DCC: variants seen among roughly 807,000 people sequenced by gnomAD.
DCC encodes netrin receptor DCC.
In DCC, 58 loss-of-function variants were observed where a neutral mutation model predicts 172.5. The observed-to-expected ratio is 0.34, with a 90% CI of 0.27 to 0.42. DCC has a LOEUF of 0.42. Ranked by LOEUF, DCC falls within the 10% of genes least tolerant of loss-of-function variation. DCC has a pLI of 1.00. For missense variants in DCC, 1,740 were observed against 1,791.0 expected (o/e 0.97, Z 0.51); for synonymous variants, 709 against 644.5 (o/e 1.10, Z -1.52).
chr18:53,156,345 G>T (rs533592093), intron 7 of DCC, among the ~76,000 whole-genome samples: 1 of 151,964 alleles, frequency 6.6e-6, no homozygotes. Flanking sequence ...TTAGCCAGGC[G>T]TGGGGGCACA....
At chr18:53,247,686 G>A (rs915366801) in intron 12 of DCC, among the ~76,000 whole-genome samples, 2 of 151,932 alleles carry the variant, frequency 1.3e-5, no homozygotes, top group African/African-American at 4.8e-5. Flanking sequence ...AATTCTTACT[G>A]TTTGAAGTTA....
At chr18:52,528,417 A>G (rs1471456104) in intron 1 of DCC, among the ~76,000 whole-genome samples, 1 of 152,210 alleles carries the variant, frequency 6.6e-6, no homozygotes, top group Admixed American at 6.5e-5. Context: ...AAAATAAGGA[A>G]GTAAGGAATT....
intron 2 of DCC, among the ~76,000 whole-genome samples, chr18:52,759,334 T>C (rs556207002): frequency 6.6e-6 from 1 of 152,312 alleles, no homozygotes; most frequent in East Asian, 1.9e-4. Flanking sequence ...AAAAGACATC[T>C]TCTACATTAT....
rs569626211 is a variant in DCC, at chr18:52,666,632, A to T, written c.92-85422A>T. Among the ~76,000 whole-genome samples, 6 of 152,288 alleles carry T rather than the reference A, an allele frequency of 3.9e-5. No individual in the cohort carries two copies. The East Asian group carries it at 1.2e-3, about 29-fold the overall frequency. The stretch of plus-strand genomic sequence containing the variant: ...GTTTATTTTTGTCTGTGCAGATATT[A>T]TCTACTATTAACAGTACTTTGGCTC... On this transcript the variant is annotated intron_variant, in intron 1 of 28. Coordinates refer to ENST00000442544, the MANE Select transcript of DCC (RefSeq NM_005215.4).
chr18:53,338,311 A>G (rs1379920905), intron 14 of DCC, among the ~76,000 whole-genome samples: 1 of 152,158 alleles, frequency 6.6e-6, no homozygotes, highest in Non-Finnish European at 1.5e-5. Context: ...TTGTATAAAT[A>G]TTTATTAATT....
intron 9 of DCC, among the ~76,000 whole-genome samples, chr18:53,193,828 C>T (rs557371774): frequency 8.5e-5 from 13 of 152,194 alleles, no homozygotes; most frequent in East Asian, 1.9e-4. Context: ...ATTGATTCCC[C>T]GAAGAGATGG....
At chr18:52,591,367 T>G (rs186823771) in intron 1 of DCC, among the ~76,000 whole-genome samples, 1 of 152,322 alleles carries the variant, frequency 6.6e-6, no homozygotes, top group Admixed American at 6.5e-5. Context: ...CAATGTCATT[T>G]TGCAAACTGC....
intron 1 of DCC, among the ~76,000 whole-genome samples, chr18:52,497,280 A>AAAATAT (rs1555689730): frequency 4.6e-5 from 1 of 21,574 alleles, no homozygotes; most frequent in Non-Finnish European, 1.1e-4. Flanking sequence ...AAAAAAAAAA[A>AAAATAT]ATATATATAT....
intron 2 of DCC, among the ~76,000 whole-genome samples, chr18:52,856,278 T>C (rs2039051139): frequency 6.6e-6 from 1 of 152,144 alleles, no homozygotes; most frequent in Non-Finnish European, 1.5e-5. Context: ...TATGAAGATG[T>C]CTTTTTAAGA....
chr18:52,561,044 G>A (rs1212262753), intron 1 of DCC, among the ~76,000 whole-genome samples: 1 of 151,966 alleles, frequency 6.6e-6, no homozygotes, highest in Non-Finnish European at 1.5e-5. Context: ...CCAGATGTTT[G>A]GTGTTATTCA....
At chr18:52,468,573 G>T (rs955187220) in intron 1 of DCC, among the ~76,000 whole-genome samples, 4 of 152,046 alleles carry the variant, frequency 2.6e-5, no homozygotes, top group Admixed American at 6.6e-5. Context: ...CAATTTGAAG[G>T]CTTATTAATA....
At chr18:53,083,323 A>G (rs997249662) in intron 7 of DCC, among the ~76,000 whole-genome samples, 2 of 152,156 alleles carry the variant, frequency 1.3e-5, no homozygotes, top group Non-Finnish European at 1.5e-5. Flanking sequence ...TCAATTGGCT[A>G]TAAGTAAAAT....
At chr18:53,011,590 T>C (rs185276436) in intron 5 of DCC, among the ~76,000 whole-genome samples, 1 of 151,906 alleles carries the variant, frequency 6.6e-6, no homozygotes, top group East Asian at 1.9e-4. Flanking sequence ...ACTTACAACA[T>C]TGAGATAAAA....
chr18:52,445,060 G>A (rs1237175268), intron 1 of DCC, among the ~76,000 whole-genome samples: 1 of 152,040 alleles, frequency 6.6e-6, no homozygotes, highest in Non-Finnish European at 1.5e-5. Flanking sequence ...GACATGCAAG[G>A]TGGAAACAAA....
Position 52,504,778 on chromosome 18 carries a change from G to A in DCC, c.91+163900G>A, listed in dbSNP as rs538139020. ...CTACCTTTGTGCCGCCCCTCCCCCC[G>A]GCCACCTCAGTGTAAAAGCCACCAA... On this transcript the variant is annotated intron_variant, in intron 1 of 28. Coordinates refer to ENST00000442544, the MANE Select transcript of DCC (RefSeq NM_005215.4). Among the ~76,000 whole-genome samples the A allele has an allele frequency of 5.3e-5, 8 of 149,618 alleles. No homozygotes were observed. The East Asian group carries it at 5.9e-4, about 11-fold the overall frequency.
At chr18:53,071,159 T>A (rs4995148) in intron 7 of DCC, among the ~76,000 whole-genome samples, 19,989 of 152,210 alleles carry the variant, frequency 0.13, 1,430 homozygotes, top group Non-Finnish European at 0.16. Flanking sequence ...GTGTCTGTAG[T>A]TGTCGGATAT....
chr18:52,919,558 C>T (rs1282994780), intron 3 of DCC, among the ~76,000 whole-genome samples: 1 of 151,818 alleles, frequency 6.6e-6, no homozygotes, highest in African/African-American at 2.4e-5. Flanking sequence ...TAACAAACAT[C>T]ACTGAAATGA....
rs71175533 is a variant in DCC at position 52,879,412 on chromosome 18, C to CTTTT, written c.413-26606_413-26603dup. Among the ~76,000 whole-genome samples the CTTTT allele has an allele frequency of 9.0e-3, 561 of 62,242 alleles. 104 individuals carry two copies. The highest frequency in any genetic ancestry group is 0.02 in the African/African-American group (282 of 14,460). 40.8% of individuals were successfully genotyped at this position (62,242 alleles called of 152,430 possible). A position where few individuals can be genotyped will look rare whatever the true frequency, so the allele number is the denominator to read the frequency against. ...AATTTCTAGCCCATATGTTGTTTGG[C>CTTTT]TTTTTTTTTTTTTTTTTTTTTTTTT... On this transcript the variant is annotated intron_variant, in intron 2 of 28. Coordinates refer to ENST00000442544, the MANE Select transcript of DCC (RefSeq NM_005215.4).
intron 7 of DCC, among the ~76,000 whole-genome samples, chr18:53,092,846 A>C (rs2043033750): frequency 6.6e-6 from 1 of 152,154 alleles, no homozygotes; most frequent in African/African-American, 2.4e-5. Context: ...CAACTTGTTA[A>C]GGAAATGAAT....
Sources: allele counts gnomAD v4.1 joint callset (sites outside exome capture counted in the v4.1 genomes callset), GRCh38; gene constraint gnomAD v4.1.1; transcripts MANE v1.5; gene names NCBI Gene and HGNC (gene_info 2026-07-23, HGNC 2026-07-21).